Variants in BMPR1A observed in about 807,000 individuals in gnomAD.
BMPR1A encodes bone morphogenetic protein receptor type-1A.
In BMPR1A, 7 loss-of-function variants were observed where a neutral mutation model predicts 66.0. The observed-to-expected ratio is 0.11, with a 90% confidence interval of 0.06 to 0.20. The LOEUF is 0.20. BMPR1A is among the 10% of genes least tolerant of loss of function. BMPR1A has a pLI of 1.00. For missense variants in BMPR1A, 408 were observed against 669.1 expected (o/e 0.61, Z 4.31); for synonymous variants, 200 against 229.7 (o/e 0.87, Z 1.17).
At chr10:86,899,769 A>G (rs1180243232) in intron 5 of BMPR1A, 25 bp from the exon 6 acceptor site, 5 of 1,592,964 alleles carry the variant, frequency 3.1e-6, no homozygotes, top group Non-Finnish European at 4.3e-6. Flanking sequence ...AACCATTTCT[A>G]ATTTTATCAT....
chr10:86,845,250 A>G (rs1421386089), intron 2 of BMPR1A, among the ~76,000 whole-genome samples: 1 of 152,204 alleles, frequency 6.6e-6, no homozygotes, highest in Admixed American at 6.5e-5. Flanking sequence ...GAAGGGAGTG[A>G]AGTTTCATTA....
At chr10:86,847,910 A>T in intron 2 of BMPR1A, among the ~76,000 whole-genome samples, 1 of 149,992 alleles carries the variant, frequency 6.7e-6, no homozygotes. Flanking sequence ...TAATTTTTGT[A>T]TTAATATCTT....
chr10:86,807,087 A>G (rs1027562412), intron 1 of BMPR1A, among the ~76,000 whole-genome samples: 3 of 152,134 alleles, frequency 2.0e-5, no homozygotes, highest in African/African-American at 7.2e-5. Flanking sequence ...GGGATTCAAT[A>G]TATAGAAACC....
At chr10:86,760,187 T>A (rs1263034008) in intron 1 of BMPR1A, among the ~76,000 whole-genome samples, 3 of 85,684 alleles carry the variant, frequency 3.5e-5, no homozygotes, top group Non-Finnish European at 7.4e-5. Context: ...CAGATTTACC[T>A]GTTTTTTTTT....
intron 7 of BMPR1A, among the ~76,000 whole-genome samples, chr10:86,911,405 T>G (rs904289105): frequency 2.6e-5 from 4 of 152,012 alleles, no homozygotes; most frequent in African/African-American, 9.7e-5. Context: ...TACAAATCAA[T>G]GAGGAGAAGA....
chr10:86,799,851 T>A (rs529862645), intron 1 of BMPR1A, among the ~76,000 whole-genome samples: 2 of 152,168 alleles, frequency 1.3e-5, no homozygotes, highest in African/African-American at 2.4e-5. Context: ...TTCTTTCCCA[T>A]CCCAAACCAG....
intron 1 of BMPR1A, among the ~76,000 whole-genome samples, chr10:86,809,346 G>A (rs1298628514): frequency 6.6e-6 from 1 of 151,708 alleles, no homozygotes; most frequent in Non-Finnish European, 1.5e-5. Flanking sequence ...CTGGAGTGCA[G>A]TGGCACAATC....
chr10:86,793,365 GT>G (rs34602581), intron 1 of BMPR1A, among the ~76,000 whole-genome samples: 36,163 of 141,410 alleles, frequency 0.26, 5,291 homozygotes, highest in East Asian at 0.65. Context: ...CTCACTGACA[GT>G]TTTTTTTTTT....
At chr10:86,784,697 T>G (rs760892563) in intron 1 of BMPR1A, among the ~76,000 whole-genome samples, 1 of 152,116 alleles carries the variant, frequency 6.6e-6, no homozygotes, top group Non-Finnish European at 1.5e-5. Flanking sequence ...AGTTATAGGT[T>G]TGTTAAGATT....
rs55804247 is a variant in BMPR1A at position 86,835,549 on chromosome 10, C to CAAAAAAAAAAAAAAAAAAAAAAAAA, written c.-267-3301_-267-3277dup. Among the ~76,000 whole-genome samples, 9 of 44,338 alleles carry CAAAAAAAAAAAAAAAAAAAAAAAAA rather than the reference C, an allele frequency of 2.0e-4. 2 individuals carry two copies. The highest frequency in any genetic ancestry group is 4.2e-4 in the African/African-American group (4 of 9,632). 29.1% of individuals were successfully genotyped at this position (44,338 alleles called of 152,430 possible). On this transcript the variant is annotated intron_variant, in intron 1 of 12. Transcript: ENST00000372037. ...CTGGGTGACAAGCAAGACTCTGTAT[C>CAAAAAAAAAAAAAAAAAAAAAAAAA]AAAAAAAAAAAAAAAAAAAAAAAAA...
At chr10:86,815,087 C>A (rs559089941) in intron 1 of BMPR1A, among the ~76,000 whole-genome samples, 1 of 152,256 alleles carries the variant, frequency 6.6e-6, no homozygotes, top group South Asian at 2.1e-4. Flanking sequence ...CTAGCCCCTT[C>A]CCCATTTTCT....
intron 2 of BMPR1A, among the ~76,000 whole-genome samples, chr10:86,845,466 C>G (rs1424204374): frequency 6.6e-6 from 1 of 152,154 alleles, no homozygotes; most frequent in African/African-American, 2.4e-5. Context: ...AGCAGTCTCC[C>G]TTAGGTTTGC....
At chr10:86,895,582 G>A (rs543660639) in intron 5 of BMPR1A, among the ~76,000 whole-genome samples, 2 of 152,094 alleles carry the variant, frequency 1.3e-5, no homozygotes, top group Admixed American at 6.5e-5. Flanking sequence ...GTCTCCTTCC[G>A]TGATCATCAT....
intron 2 of BMPR1A, among the ~76,000 whole-genome samples, chr10:86,862,309 G>C (rs1359669971): frequency 6.6e-6 from 1 of 152,096 alleles, no homozygotes; most frequent in Non-Finnish European, 1.5e-5. Context: ...CAGCAGTCCC[G>C]GGGAAGACCA....
intron 4 of BMPR1A, 148 bp from the exon 5 acceptor site, chr10:86,891,979 T>C: frequency 1.5e-6 from 1 of 667,812 alleles, no homozygotes; most frequent in Non-Finnish European, 2.7e-6. Context: ...ACCTCTGGCG[T>C]TGCCAATAAA....
At chr10:86,790,180 AAAAAAAAAATATATATATATAT>A (rs1841585219) in intron 1 of BMPR1A, among the ~76,000 whole-genome samples, 2 of 43,612 alleles carry the variant, frequency 4.6e-5, no homozygotes, top group African/African-American at 2.9e-4. Context: ...AAAAAAAAAA[AAAAAAAAAATATATATATATAT>A]ATATATATAT....
chr10:86,757,132 C>T (rs894934645), intron 1 of BMPR1A, among the ~76,000 whole-genome samples: 1 of 151,920 alleles, frequency 6.6e-6, no homozygotes, highest in Non-Finnish European at 1.5e-5. Context: ...CCCCCGCCGG[C>T]CCCTCTTTTG....
intron 1 of BMPR1A, among the ~76,000 whole-genome samples, chr10:86,808,561 T>A (rs1028971016): frequency 6.6e-6 from 1 of 152,184 alleles, no homozygotes; most frequent in African/African-American, 2.4e-5. Flanking sequence ...ATGGCCTGAG[T>A]TTGAATCCTA....
At chr10:86,803,995 C>G (rs1461731161) in intron 1 of BMPR1A, among the ~76,000 whole-genome samples, 1 of 152,030 alleles carries the variant, frequency 6.6e-6, no homozygotes, top group South Asian at 2.1e-4. Flanking sequence ...TTTTTGGGTG[C>G]TATTGTGAAT....
Sources: gnomAD v4.1 joint callset for allele counts (sites outside exome capture counted in the v4.1 genomes callset) on GRCh38, gnomAD v4.1.1 for gene constraint, MANE v1.5 for transcripts, NCBI Gene and HGNC (gene_info 2026-07-23, HGNC 2026-07-21) for gene names.